SBNO2: variants seen among roughly 807,000 people sequenced by gnomAD.
SBNO2 encodes the protein protein strawberry notch homolog 2.
Under a neutral mutation model 146.3 loss-of-function variants are expected in SBNO2, and 89 were observed. That is an observed-to-expected ratio of 0.61 (90% CI 0.51 to 0.73). The LOEUF is 0.73. SBNO2 is among the 30% of genes least tolerant of loss of function. The pLI, the probability that SBNO2 is intolerant of heterozygous loss-of-function variation, is 0.00. For missense variants in SBNO2, 2,092 were observed against 2,003.7 expected (o/e 1.04, Z -0.84); for synonymous variants, 1,147 against 892.6 (o/e 1.29, Z -5.08).
Position 1,108,270 on chromosome 19 carries a change from T to C in SBNO2, c.4051A>G (p.Ser1351Gly), listed in dbSNP as rs1310781468. 4 of 1,519,340 alleles carry C rather than the reference T, an allele frequency of 2.6e-6. No individual in the cohort carries two copies. The highest frequency in any genetic ancestry group is 2.9e-5 in the African/African-American group (2 of 69,656). 94.1% of individuals were successfully genotyped at this position (1,519,340 alleles called of 1,614,324 possible). ...AAGGGTGGGCTGAACTGGATCACGCTCTGCCGCTCGGGACCACCGCCCGCC... is the reference window on the plus strand; with the variant it reads ...AAGGGTGGGCTGAACTGGATCACGCCCTGCCGCTCGGGACCACCGCCCGCC... ...GAAGGGPERQ[S>G]VIQFSPPFPG... is the part of the protein sequence containing the mutation. Residue 1351 changes from serine (S) to glycine (G), a missense_variant, in exon 32 of 32, where the codon AGC (serine) becomes GGC (glycine). Transcript: ENST00000361757.
intron 1 of SBNO2, among the ~76,000 whole-genome samples, chr19:1,161,606 C>A (rs2080345991): frequency 6.6e-6 from 1 of 151,506 alleles, no homozygotes; most frequent in Non-Finnish European, 1.5e-5. Context: ...CCTGTCTCAA[C>A]ACAGCTTTAC....
chr19:1,118,631 G>A (rs1232162147), intron 14 of SBNO2, among the ~76,000 whole-genome samples: 1 of 152,264 alleles, frequency 6.6e-6, no homozygotes, highest in Non-Finnish European at 1.5e-5. Context: ...CACTGTGGGA[G>A]GCCGAGGCGG....
At chr19:1,145,797 G>A (rs1032901532) in intron 4 of SBNO2, among the ~76,000 whole-genome samples, 2 of 152,110 alleles carry the variant, frequency 1.3e-5, no homozygotes, top group African/African-American at 2.4e-5. Flanking sequence ...GGGGGTCCAG[G>A]GCTACTGCGG....
rs1323580863 is a variant in SBNO2 at position 1,112,025 on chromosome 19, C to T, written c.2671G>A (p.Asp891Asn). ...HGDRRATESR[D>N]LSKYNFENKY... ...TTCTCAAAGTTGTACTTGCTGAGGTCACGGGACTCCGTGGCGCGGCGGTCT... is the reference window on the plus strand; with the variant it reads ...TTCTCAAAGTTGTACTTGCTGAGGTTACGGGACTCCGTGGCGCGGCGGTCT... Residue 891 changes from aspartate to asparagine, a missense_variant, in exon 23 of 32, where the codon GAC (aspartate) becomes AAC (asparagine). Transcript: ENST00000361757. The surrounding 1 kb of genome is among the most constrained non-coding windows in gnomAD (Gnocchi z 5.9). 3.8e-5 allele frequency: 61 copies of T among 1,611,790 alleles called. No individual in the cohort carries two copies. The highest frequency in any genetic ancestry group is 5.0e-5 in the Non-Finnish European group (59 of 1,179,626).
rs566124562 is a variant in SBNO2 at position 1,108,100 on chromosome 19, G to A, written c.*120C>T. The A allele has an allele frequency of 1.7e-6, 2 of 1,162,688 alleles. No individual in the cohort carries two copies. The highest frequency in any genetic ancestry group is 2.2e-6 in the Non-Finnish European group (2 of 892,100). The allele number at this position is 1,162,688 out of a possible 1,614,324, so 72.0% of individuals were successfully genotyped here. A position where few individuals can be genotyped will look rare whatever the true frequency, so the allele number is the denominator to read the frequency against. On this transcript the variant is annotated 3_prime_UTR_variant, in exon 32 of 32. Transcript: ENST00000361757. Reference sequence around the variant, plus strand: ...GCCCGGGTCGGGCGCTGAAGGCACTGCGGCCAGGGCCTAGGGCTCCTCTGA... The same window carrying A: ...GCCCGGGTCGGGCGCTGAAGGCACTACGGCCAGGGCCTAGGGCTCCTCTGA...
Position 1,116,116 on chromosome 19 carries a change from C to T in SBNO2, c.1803-13G>A, listed in dbSNP as rs201315123. On this transcript the variant is annotated splice_polypyrimidine_tract_variant and intron_variant, in intron 16 of 31. Transcript: ENST00000361757. ...CAGGAACACGCCTCTGAAAGTGAGA[C>T]GCGGAGTTTATTCTCACACGAGGAG... 11 of 1,601,232 alleles carry T rather than the reference C, an allele frequency of 6.9e-6. No homozygotes were observed. Among genetic ancestry groups the T allele is most frequent in the Admixed American group, 1.7e-5 (1 of 58,190 alleles).
At position 1,119,163 on chromosome 19, in the gene SBNO2, C is replaced by T; in HGVS notation, c.1375G>A (p.Gly459Ser). The T allele has an allele frequency of 6.3e-7, 1 of 1,594,976 alleles. No homozygotes were observed. The highest frequency in any genetic ancestry group is 8.5e-7 in the Non-Finnish European group (1 of 1,173,192). Reference sequence around the variant, plus strand: ...GCCACGATCTCCATGGCGCCAACGCCCCTGCGGATGGACACAGCCCCCGTG... The same window carrying T: ...GCCACGATCTCCATGGCGCCAACGCTCCTGCGGATGGACACAGCCCCCGTG... ...EEFLHAIEKRGVGAMEIVAMD... is the reference protein window; with the variant it reads ...EEFLHAIEKRSVGAMEIVAMD... The change falls in exon 14 of 32, where the codon GGC becomes AGC. Residue 459 changes from glycine to serine, a missense_variant and splice_region_variant. Transcript: ENST00000361757.
rs1331974080 is a variant in SBNO2 at position 1,107,939 on chromosome 19, G to A, written c.*281C>T. On this transcript the variant is annotated 3_prime_UTR_variant, in exon 32 of 32. Coordinates refer to ENST00000361757, the MANE Select transcript of SBNO2 (RefSeq NM_014963.3). Reference sequence around the variant, plus strand: ...GATTTCAAGGGTTTGGGCCCACTGAGCCCTTGTGGGTGCCCAGTCCCAGAG... The same window carrying A: ...GATTTCAAGGGTTTGGGCCCACTGAACCCTTGTGGGTGCCCAGTCCCAGAG... 3.9e-6 allele frequency: 1 copy of A among 253,820 alleles called. No homozygotes were observed. The highest frequency in any genetic ancestry group is 7.6e-6 in the Non-Finnish European group (1 of 131,994). 15.7% of individuals were successfully genotyped at this position (253,820 alleles called of 1,614,324 possible).
At chr19:1,132,957 G>A (rs1265598016) in intron 4 of SBNO2, among the ~76,000 whole-genome samples, 2 of 152,234 alleles carry the variant, frequency 1.3e-5, no homozygotes, top group African/African-American at 2.4e-5. Context: ...TGCACTTGCT[G>A]GGGCAACCCC....
intron 4 of SBNO2, among the ~76,000 whole-genome samples, chr19:1,138,200 C>G (rs2080102398): frequency 8.5e-6 from 1 of 118,088 alleles, no homozygotes; most frequent in African/African-American, 3.3e-5. Flanking sequence ...TGGGGGGAGG[C>G]TCGGGCTGGG....
At position 1,140,948 on chromosome 19, in the gene SBNO2, C is replaced by CAGTCAGGAG. The variant is rs2080129747; in HGVS notation, c.279+6352_279+6360dup. 1.3e-5 allele frequency among the ~76,000 whole-genome samples: 2 copies of CAGTCAGGAG among 152,180 alleles called. No individual in the cohort carries two copies. Among genetic ancestry groups the CAGTCAGGAG allele is most frequent in the African/African-American group, 4.8e-5 (2 of 41,440 alleles). On this transcript the variant is annotated intron_variant, in intron 4 of 31. Coordinates refer to ENST00000361757, the MANE Select transcript of SBNO2 (RefSeq NM_014963.3). This position sits in a 1 kb window ranked among gnomAD's most constrained non-coding sequence, Gnocchi z 4.4. ...GTGCCGTCTGAGGGATTCCTCCATC[C>CAGTCAGGAG]AGTCAGGAGACAACCCCAGACAAAA...
intron 19 of SBNO2, 143 bp from the exon 20 acceptor site, chr19:1,113,092 G>C: frequency 1.0e-6 from 1 of 979,714 alleles, no homozygotes. Context: ...GGGAAAGGGA[G>C]GGCGGGACTG....
Position 1,112,336 on chromosome 19 carries a change from C to T in SBNO2, c.2516-35G>A, listed in dbSNP as rs564967409. The T allele has an allele frequency of 3.6e-5, 57 of 1,563,214 alleles. No homozygotes were observed. The highest frequency in any genetic ancestry group is 2.1e-4 in the Admixed American group (11 of 53,650). ...GAGCTGCTCTCAGGGCCCGGCCAGGCGGGGGCGGGGCCGAGACCATGTTGG... is the reference window on the plus strand; with the variant it reads ...GAGCTGCTCTCAGGGCCCGGCCAGGTGGGGGCGGGGCCGAGACCATGTTGG... On this transcript the variant is annotated intron_variant, in intron 21 of 31. Transcript: ENST00000361757. This position sits in a 1 kb window ranked among gnomAD's most constrained non-coding sequence, Gnocchi z 5.9.
rs2079935000 is a variant in SBNO2 at position 1,123,934 on chromosome 19, C to T, written c.522+8G>A. On this transcript the variant is annotated splice_region_variant and intron_variant, in intron 6 of 31. Transcript: ENST00000361757. The stretch of plus-strand genomic sequence containing the variant: ...AGGGGAGGGAGCTCTCGGCTGGGCC[C>T]AGCTCACCTGGTAGCTGACGAGAAG... 1.1e-5 allele frequency: 18 copies of T among 1,610,258 alleles called. No homozygotes were observed. Among genetic ancestry groups the T allele is most frequent in the Non-Finnish European group, 1.5e-5 (18 of 1,178,712 alleles).
At chr19:1,153,239 T>C (rs371264551) in intron 2 of SBNO2, among the ~76,000 whole-genome samples, 30 of 130,666 alleles carry the variant, frequency 2.3e-4, no homozygotes, top group African/African-American at 8.0e-4. Context: ...AATTTAAAAA[T>C]TTTTTTTTTT....
chr19:1,108,757 G>T, intron 31 of SBNO2, 22 bp downstream of exon 31: 1 of 1,594,436 alleles, frequency 6.3e-7, no homozygotes. Context: ...GGGCCTTCCC[G>T]GGGCGCCCGC....
intron 1 of SBNO2, among the ~76,000 whole-genome samples, chr19:1,167,140 C>A (rs527499906): frequency 2.0e-5 from 3 of 152,386 alleles, no homozygotes; most frequent in Admixed American, 2.0e-4. Context: ...GACTTCAGCG[C>A]TGACTGCTGG....
chr19:1,172,020 G>A (rs958170619), intron 1 of SBNO2, among the ~76,000 whole-genome samples: 2 of 152,146 alleles, frequency 1.3e-5, no homozygotes, highest in Non-Finnish European at 2.9e-5. Flanking sequence ...TCTGTGCTCT[G>A]ACAGGCTCCC....
chr19:1,153,682 C>T (rs975180926), intron 2 of SBNO2, among the ~76,000 whole-genome samples: 3 of 152,032 alleles, frequency 2.0e-5, no homozygotes, highest in African/African-American at 7.2e-5. Context: ...GGATTACAGG[C>T]GTCCGCCACC....
Sources: allele counts gnomAD v4.1 joint callset (sites outside exome capture counted in the v4.1 genomes callset), GRCh38; gene constraint gnomAD v4.1.1; non-coding constraint Gnocchi (gnomAD v3.1); transcripts MANE v1.5; gene names NCBI Gene and HGNC (gene_info 2026-07-23, HGNC 2026-07-21).